TBX18: variants seen among roughly 807,000 people sequenced by gnomAD.
TBX18 encodes the protein T-box transcription factor 18, also known as T-box transcription factor TBX18.
A neutral mutation model predicts 55.0 loss-of-function variants in TBX18; 21 were observed. The ratio of observed to expected loss-of-function variants is 0.38; its 90% CI spans 0.27 to 0.55. The LOEUF (loss-of-function observed/expected upper bound fraction) is 0.55, where lower values mean the gene tolerates loss of function less well. Ranked by LOEUF, TBX18 falls within the 20% of genes least tolerant of loss-of-function variation. The pLI is 0.73. For synonymous variants in TBX18, 342 were observed against 326.1 expected (o/e 1.05, Z -0.53); for missense variants, 840 against 799.6 (o/e 1.05, Z -0.61).
In TBX18 at chr6:84,733,570, T is replaced by C. The variant is rs1773859638; in HGVS notation, c.*3115A>G. The C allele has an allele frequency of 6.6e-6, 1 of 152,146 alleles. No individual in the cohort carries two copies. The highest frequency in any genetic ancestry group is 2.4e-5 in the African/African-American group (1 of 41,434). The allele number at this position is 152,146 out of a possible 1,614,324, so 9.4% of individuals were successfully genotyped here. ...GAAAGAAGTTTATGAAATGATTATT[T>C]TTAATGCTCTGCACCAGGACTTCAT... On this transcript the variant is annotated 3_prime_UTR_variant, in exon 8 of 8. Transcript: ENST00000369663.
intron 4 of TBX18, among the ~76,000 whole-genome samples, chr6:84,753,922 C>A (rs149884502): frequency 2.0e-5 from 3 of 152,124 alleles, no homozygotes; most frequent in African/African-American, 7.2e-5. Context: ...GAGATCATGG[C>A]TTTTATCTTA....
chr6:84,760,489 T>A (rs566330450), intron 2 of TBX18, 133 bp from the exon 3 acceptor site: 3 of 564,316 alleles, frequency 5.3e-6, no homozygotes, highest in Non-Finnish European at 9.1e-6. Context: ...ACTTTGCCAA[T>A]GTAATTCAAG....
rs915454990 is a variant in TBX18, at chr6:84,738,622, C to A, written c.1005-31G>T. On this transcript the variant is annotated intron_variant, in intron 6 of 7. Transcript: ENST00000369663. ...TGGAAAGGGTCAGGATAGGGGTGGA[C>A]AAAAGAAGTCTAGTTAGGAGCATTT... 10 of 1,548,244 alleles carry A rather than the reference C, an allele frequency of 6.5e-6. No individual in the cohort carries two copies. The Admixed American group carries it at 1.2e-4, about 18-fold the overall frequency.
At chr6:84,750,283 CAAAAA>C (rs546686776) in intron 4 of TBX18, among the ~76,000 whole-genome samples, 1 of 94,652 alleles carries the variant, frequency 1.1e-5, no homozygotes, top group Admixed American at 1.1e-4. Flanking sequence ...GATTCTATCT[CAAAAA>C]AAAAAAAAAA....
Position 84,736,576 on chromosome 6 carries a change from T to G in TBX18, c.*109A>C. ...AAACCCAGTGAGCCTTCATTTTCTA[T>G]TATATGTACATTTTATAAACCACAG... is the stretch of plus-strand genomic sequence containing the variant. On this transcript the variant is annotated 3_prime_UTR_variant, in exon 8 of 8. Coordinates refer to ENST00000369663, the MANE Select transcript of TBX18 (RefSeq NM_001080508.3). 7.7e-7 allele frequency: 1 copy of G among 1,298,054 alleles called. No homozygotes were observed. Among genetic ancestry groups the G allele is most frequent in the Non-Finnish European group, 1.0e-6 (1 of 974,604 alleles). The allele number at this position is 1,298,054 out of a possible 1,614,324, so 80.4% of individuals were successfully genotyped here. A position where few individuals can be genotyped will look rare whatever the true frequency, so the allele number is the denominator to read the frequency against.
intron 5 of TBX18, 113 bp from the exon 6 acceptor site, chr6:84,744,438 A>T (rs1582069757): frequency 5.0e-6 from 4 of 794,788 alleles, no homozygotes; most frequent in East Asian, 5.5e-5. Context: ...TCTATTGTAT[A>T]AGCCTCTTTT....
chr6:84,736,894 T>G lies in TBX18; in HGVS notation c.1615A>C (p.Lys539Gln). 1 of 1,613,226 alleles carries G rather than the reference T, an allele frequency of 6.2e-7. No homozygotes were observed. Among genetic ancestry groups the G allele is most frequent in the African/African-American group, 1.3e-5 (1 of 74,970 alleles). ...ATTTTCTCAGGACTGGCAGCCAGTT[T>G]GGGGGATGTGGAGAAGTTATATCCA... The part of the protein sequence containing the change: ...LYGYNFSTSP[K>Q]LAASPEKIVS... Residue 539 changes from lysine (K) to glutamine (Q), a missense_variant, in exon 8 of 8, where the codon AAA (lysine) becomes CAA (glutamine). Coordinates refer to ENST00000369663, the MANE Select transcript of TBX18 (RefSeq NM_001080508.3).
intron 7 of TBX18, among the ~76,000 whole-genome samples, 192 bp from the exon 8 acceptor site, chr6:84,737,601 GTTGAATCACA>G (rs1766917285): frequency 6.6e-6 from 1 of 152,182 alleles, no homozygotes; most frequent in Non-Finnish European, 1.5e-5. Context: ...AAAACAAGTT[GTTGAATCACA>G]TGCTAATACA....
chr6:84,753,164 A>G (rs1036104857), intron 4 of TBX18, among the ~76,000 whole-genome samples: 2 of 152,318 alleles, frequency 1.3e-5, no homozygotes, highest in East Asian at 3.9e-4. Context: ...TTAGCTGTGG[A>G]GTGCTGGAAC....
intron 6 of TBX18, 40 bp downstream of exon 6, chr6:84,744,221 T>G: frequency 1.3e-6 from 2 of 1,527,292 alleles, no homozygotes; most frequent in Non-Finnish European, 1.8e-6. Context: ...AAATATCAAA[T>G]ATATTTATCA....
chr6:84,762,790 C>T (rs1027800701), intron 1 of TBX18, 42 bp from the exon 2 acceptor site: 1 of 1,555,602 alleles, frequency 6.4e-7, no homozygotes, highest in Admixed American at 1.9e-5. Context: ...GTGAGGGAAA[C>T]AGAGGGGAAG....
chr6:84,750,700 T>G (rs973038672), intron 4 of TBX18, among the ~76,000 whole-genome samples: 2 of 152,130 alleles, frequency 1.3e-5, no homozygotes, highest in African/African-American at 4.8e-5. Context: ...TCGTATTTTT[T>G]GGGCAGGCAT....
chr6:84,748,566 G>A (rs926062484), intron 4 of TBX18, among the ~76,000 whole-genome samples: 2 of 152,144 alleles, frequency 1.3e-5, no homozygotes, highest in Non-Finnish European at 2.9e-5. Context: ...AGGGCAAAGG[G>A]AATTTTAAGG....
intron 5 of TBX18, among the ~76,000 whole-genome samples, chr6:84,744,965 C>T (rs1767144382): frequency 6.6e-6 from 1 of 152,074 alleles, no homozygotes; most frequent in Non-Finnish European, 1.5e-5. Flanking sequence ...GAGGTAACCA[C>T]TACTTGAAGG....
At chr6:84,751,604 G>T (rs1767351743) in intron 4 of TBX18, among the ~76,000 whole-genome samples, 1 of 152,176 alleles carries the variant, frequency 6.6e-6, no homozygotes, top group Non-Finnish European at 1.5e-5. Context: ...TCAAAGCACT[G>T]CAAGGATTTC....
chr6:84,761,794 C>T (rs1313272481), intron 2 of TBX18, among the ~76,000 whole-genome samples: 1 of 152,186 alleles, frequency 6.6e-6, no homozygotes, highest in African/African-American at 2.4e-5. Flanking sequence ...GAAAATTTCA[C>T]ACTTTTTAAA....
chr6:84,762,874 C>A (rs571135438), intron 1 of TBX18, 126 bp from the exon 2 acceptor site: 2 of 856,504 alleles, frequency 2.3e-6, no homozygotes, highest in South Asian at 1.6e-5. Flanking sequence ...AGCTTTGGTG[C>A]CATCAGGTCC....
chr6:84,750,257 C>T (rs1582076008), intron 4 of TBX18, among the ~76,000 whole-genome samples: 2 of 148,422 alleles, frequency 1.3e-5, no homozygotes, highest in African/African-American at 2.5e-5. Context: ...TGCACTCCAG[C>T]CTGGTGACAG....
rs1773952531 is a variant in TBX18 at position 84,736,688 on chromosome 6, G to A, written c.1821C>T (p.Val607=). The A allele has an allele frequency of 1.2e-5, 18 of 1,546,364 alleles. No individual in the cohort carries two copies. Among genetic ancestry groups the A allele is most frequent in the Non-Finnish European group, 1.6e-5 (18 of 1,150,042 alleles). The change falls in exon 8 of 8, where the codon GTC becomes GTT. Residue 607 remains valine, a synonymous_variant. Coordinates refer to ENST00000369663, the MANE Select transcript of TBX18 (RefSeq NM_001080508.3). ...GTCATTTAACTTAAAGGCTTCATCA[G>A]ACCATATGTGCAGATACTTGAGATG... ...LSSSQVSAHM[V] is the part of the protein sequence containing the mutation.
Sources: allele counts gnomAD v4.1 joint callset (sites outside exome capture counted in the v4.1 genomes callset), GRCh38; gene constraint gnomAD v4.1.1; transcripts MANE v1.5; gene names NCBI Gene and HGNC (gene_info 2026-07-23, HGNC 2026-07-21).